SH3GL1: variants seen among roughly 807,000 people sequenced by gnomAD.
The protein encoded by SH3GL1 is SH3 domain containing GRB2 like 1, endophilin A2.
SH3GL1 carries 21 observed loss-of-function variants against 48.8 expected under a neutral mutation model. That is an observed-to-expected ratio of 0.43 (90% CI 0.30 to 0.62). SH3GL1 has a LOEUF of 0.62. SH3GL1 is among the 20% of genes least tolerant of loss of function. SH3GL1 has a pLI of 0.11. For synonymous variants in SH3GL1, 282 were observed against 217.5 expected (o/e 1.30, Z -2.61); for missense variants, 454 against 503.0 (o/e 0.90, Z 0.93).
rs942143408 is a variant in SH3GL1 at position 4,367,772 on chromosome 19, T to C, written c.46-778A>G. On this transcript the variant is annotated intron_variant, in intron 1 of 9. Coordinates refer to ENST00000269886, the MANE Select transcript of SH3GL1 (RefSeq NM_003025.4). The surrounding 1 kb of genome is among the most constrained non-coding windows in gnomAD (Gnocchi z 4.2). ...TGGGATGCGAAAAACAGCCCTGAAA[T>C]GTCCCATGGAACATGGCGGGAACCA... 6.6e-6 allele frequency among the ~76,000 whole-genome samples: 1 copy of C among 152,198 alleles called. No individual in the cohort carries two copies. The highest frequency in any genetic ancestry group is 1.5e-5 in the Non-Finnish European group (1 of 68,032).
rs73918204 is a variant in SH3GL1 at position 4,361,165 on chromosome 19, G to A, written c.*435C>T. ...TCCTATCTCTGAGCCACCCCATGGG[G>A]ACCCTCGATCCCATCCTGTTAAGGC... On this transcript the variant is annotated 3_prime_UTR_variant, in exon 10 of 10. Coordinates refer to ENST00000269886, the MANE Select transcript of SH3GL1 (RefSeq NM_003025.4). 0.016 allele frequency: 4,166 copies of A among 267,818 alleles called. 162 individuals are homozygous for A. The highest frequency in any genetic ancestry group is 0.085 in the African/African-American group (3,894 of 45,910). The allele number at this position is 267,818 out of a possible 1,614,324, so 16.6% of individuals were successfully genotyped here.
intron 1 of SH3GL1, among the ~76,000 whole-genome samples, chr19:4,371,518 G>A (rs1972900291): frequency 6.6e-6 from 1 of 152,250 alleles, no homozygotes. Flanking sequence ...TGGTGCCCCA[G>A]CAGACTATCT....
chr19:4,400,248 G>T lies in SH3GL1; in HGVS notation c.45+76C>A. ...CCTCGGTCCCCCCGGCCCCCTCCCG[G>T]GCCAGGTCGGGCCTGGCTCCCTCAT... On this transcript the variant is annotated intron_variant, in intron 1 of 9. Coordinates refer to ENST00000269886, the MANE Select transcript of SH3GL1 (RefSeq NM_003025.4). The surrounding 1 kb of genome is among the most constrained non-coding windows in gnomAD (Gnocchi z 4.1). 6.7e-7 allele frequency: 1 copy of T among 1,498,090 alleles called. No individual in the cohort carries two copies. Among genetic ancestry groups the T allele is most frequent in the Non-Finnish European group, 9.0e-7 (1 of 1,108,612 alleles). The allele number at this position is 1,498,090 out of a possible 1,614,324, so 92.8% of individuals were successfully genotyped here.
At chr19:4,368,350 G>A (rs1288365261) in intron 1 of SH3GL1, among the ~76,000 whole-genome samples, 1 of 152,240 alleles carries the variant, frequency 6.6e-6, no homozygotes, top group East Asian at 1.9e-4. Flanking sequence ...AGCAGGAAGT[G>A]CGGGGGCAGG....
In SH3GL1 at chr19:4,366,493, G is replaced by A. The variant is rs2144867572; in HGVS notation, c.187+8C>T. The A allele has an allele frequency of 1.2e-6, 2 of 1,606,700 alleles. No individual in the cohort carries two copies. Among genetic ancestry groups the A allele is most frequent in the East Asian group, 4.5e-5 (2 of 44,808 alleles). On this transcript the variant is annotated splice_region_variant and intron_variant, in intron 3 of 9. Coordinates refer to ENST00000269886, the MANE Select transcript of SH3GL1 (RefSeq NM_003025.4). Reference sequence around the variant, plus strand: ...GGGGCAGGCCCTGGCAGTGGCTGGAGCACCCACCTGGGTTGGGCTGCAGGT... The same window carrying A: ...GGGGCAGGCCCTGGCAGTGGCTGGAACACCCACCTGGGTTGGGCTGCAGGT...
At chr19:4,399,233 T>C (rs1482586674) in intron 1 of SH3GL1, among the ~76,000 whole-genome samples, 3 of 147,634 alleles carry the variant, frequency 2.0e-5, no homozygotes, top group Non-Finnish European at 4.4e-5. Context: ...GGCAGGAGAA[T>C]TGCTTGAACA....
At chr19:4,399,303 G>A (rs1024285659) in intron 1 of SH3GL1, among the ~76,000 whole-genome samples, 9 of 115,028 alleles carry the variant, frequency 7.8e-5, no homozygotes, top group African/African-American at 1.0e-4. Flanking sequence ...TGGGGCGACA[G>A]AGCATGACTC....
rs1267223035 is a variant in SH3GL1, at chr19:4,367,572, A to G, written c.46-578T>C. ...GATGGGACAGCCCAGCCCTTGCCCC[A>G]TGTGGACACTGAGTTTCACAAGGCA... On this transcript the variant is annotated intron_variant, in intron 1 of 9. Transcript: ENST00000269886. The surrounding 1 kb of genome is among the most constrained non-coding windows in gnomAD (Gnocchi z 4.2). Among the ~76,000 whole-genome samples the G allele has an allele frequency of 6.6e-6, 1 of 152,118 alleles. No individual in the cohort carries two copies. The highest frequency in any genetic ancestry group is 2.4e-5 in the African/African-American group (1 of 41,420).
Position 4,367,478 on chromosome 19 carries a change from CGAG to C in SH3GL1, c.46-487_46-485del, listed in dbSNP as rs750581200. On this transcript the variant is annotated intron_variant, in intron 1 of 9. Coordinates refer to ENST00000269886, the MANE Select transcript of SH3GL1 (RefSeq NM_003025.4). The surrounding 1 kb of genome is among the most constrained non-coding windows in gnomAD (Gnocchi z 4.2). The stretch of plus-strand genomic sequence containing the variant: ...GAGAGGCAGCAGGAGCTGACAGTTA[CGAG>C]AAGAGGTGCAGGCAGCCGGGCAGGG... 6.6e-6 allele frequency among the ~76,000 whole-genome samples: 1 copy of C among 152,056 alleles called. No individual in the cohort carries two copies. Among genetic ancestry groups the C allele is most frequent in the Non-Finnish European group, 1.5e-5 (1 of 67,984 alleles).
At chr19:4,363,287 C>T in intron 7 of SH3GL1, 83 bp downstream of exon 7, 1 of 1,057,110 alleles carries the variant, frequency 9.5e-7, no homozygotes, top group South Asian at 1.4e-5. Context: ...GTGCTCACCC[C>T]ACAGCGAGGT....
Position 4,382,281 on chromosome 19 carries a change from G to A in SH3GL1, c.46-15287C>T, listed in dbSNP as rs1408877537. Among the ~76,000 whole-genome samples, 635 of 112,128 alleles carry A rather than the reference G, an allele frequency of 5.7e-3. 3 individuals are homozygous for A. The highest frequency in any genetic ancestry group is 0.019 in the African/African-American group (597 of 30,652). 73.6% of individuals were successfully genotyped at this position (112,128 alleles called of 152,430 possible). ...TTTTTTTTTTTTTTTTTTTTGAGAC[G>A]GAGTCTCGCTCTGTCACCCAGGCTG... On this transcript the variant is annotated intron_variant, in intron 1 of 9. Transcript: ENST00000269886.
intron 1 of SH3GL1, among the ~76,000 whole-genome samples, chr19:4,377,835 T>G (rs1458804554): frequency 1.3e-5 from 2 of 152,164 alleles, no homozygotes; most frequent in African/African-American, 2.4e-5. Context: ...AGCAGGCAAA[T>G]GGCCCGAGTC....
rs765343292 is a variant in SH3GL1, at chr19:4,364,103, G to A, written c.450C>T (p.Asp150=). ...IDPLQNLCEK[D]LKEIQHHLKK... is the part of the protein sequence containing the mutation. ...GGAGCAGCACCTGGATCTCCTTCAGGTCTTTCTCGCACAGGTTCTGGAGGG... is the reference window on the plus strand; with the variant it reads ...GGAGCAGCACCTGGATCTCCTTCAGATCTTTCTCGCACAGGTTCTGGAGGG... The change falls in exon 5 of 10, where the codon GAC becomes GAT. Residue 150 remains aspartate (D), a synonymous_variant. Coordinates refer to ENST00000269886, the MANE Select transcript of SH3GL1 (RefSeq NM_003025.4). 9.9e-6 allele frequency: 16 copies of A among 1,612,874 alleles called. No individual in the cohort carries two copies. The South Asian group carries it at 1.6e-4, about 17-fold the overall frequency.
intron 1 of SH3GL1, among the ~76,000 whole-genome samples, chr19:4,369,375 C>T (rs527909363): frequency 3.9e-5 from 6 of 152,210 alleles, no homozygotes; most frequent in African/African-American, 1.2e-4. Flanking sequence ...TCTGGGAAGC[C>T]GGGAGGAGAA....
intron 1 of SH3GL1, among the ~76,000 whole-genome samples, chr19:4,371,868 CTG>C (rs1972908644): frequency 6.6e-6 from 1 of 152,264 alleles, no homozygotes; most frequent in Non-Finnish European, 1.5e-5. Context: ...TCAGCGGAAT[CTG>C]TGAGCGCACA....
At position 4,376,094 on chromosome 19, in the gene SH3GL1, G is replaced by A. The variant is rs973578783; in HGVS notation, c.46-9100C>T. On this transcript the variant is annotated intron_variant, in intron 1 of 9. Coordinates refer to ENST00000269886, the MANE Select transcript of SH3GL1 (RefSeq NM_003025.4). The surrounding 1 kb of genome is among the most constrained non-coding windows in gnomAD (Gnocchi z 4.3). Reference sequence around the variant, plus strand: ...AGCGGTGAGAGGCTGCAGGTGCACAGATCTCAACGAGGGGCCGTGAGTTCC... The same window carrying A: ...AGCGGTGAGAGGCTGCAGGTGCACAAATCTCAACGAGGGGCCGTGAGTTCC... 6.6e-6 allele frequency among the ~76,000 whole-genome samples: 1 copy of A among 152,240 alleles called. No homozygotes were observed. The highest frequency in any genetic ancestry group is 1.5e-5 in the Non-Finnish European group (1 of 68,038).
rs532820928 is a variant in SH3GL1 at position 4,385,211 on chromosome 19, G to A, written c.45+15113C>T. 1.7e-3 allele frequency among the ~76,000 whole-genome samples: 266 copies of A among 152,280 alleles called. 2 individuals carry two copies. The highest frequency in any genetic ancestry group is 6.2e-3 in the African/African-American group (257 of 41,560). On this transcript the variant is annotated intron_variant, in intron 1 of 9. Coordinates refer to ENST00000269886, the MANE Select transcript of SH3GL1 (RefSeq NM_003025.4). ...CCCTGCGTGTTTTGGCGCAGTGAAC[G>A]TGCGCAGTGAAGGCACGCCGGCCCT... is the stretch of plus-strand genomic sequence containing the variant.
intron 6 of SH3GL1, 24 bp downstream of exon 6, chr19:4,363,696 G>A (rs374202282): frequency 1.2e-6 from 2 of 1,612,044 alleles, no homozygotes; most frequent in African/African-American, 2.7e-5. Flanking sequence ...GTCTTCTCAG[G>A]ATGTGACACC....
intron 1 of SH3GL1, among the ~76,000 whole-genome samples, chr19:4,396,811 C>A (rs1203280922): frequency 6.6e-6 from 1 of 152,176 alleles, no homozygotes; most frequent in Non-Finnish European, 1.5e-5. Flanking sequence ...CAGCACCGCA[C>A]CAAGCTGTGA....
Sources: allele counts gnomAD v4.1 joint callset (sites outside exome capture counted in the v4.1 genomes callset), GRCh38; gene constraint gnomAD v4.1.1; non-coding constraint Gnocchi (gnomAD v3.1); transcripts MANE v1.5; gene names NCBI Gene and HGNC (gene_info 2026-07-23, HGNC 2026-07-21).